Variants in NEK9 observed in about 807,000 individuals in gnomAD.
NEK9 encodes the protein NIMA related kinase 9, also known as serine/threonine-protein kinase Nek9.
NEK9 carries 75 observed loss-of-function variants against 123.4 expected under a neutral mutation model. The ratio of observed to expected loss-of-function variants is 0.61; its 90% CI spans 0.50 to 0.74. The LOEUF is 0.74. NEK9 is among the 30% of genes least tolerant of loss of function. The probability of loss-of-function intolerance (pLI) is 0.00; values close to 1 mark genes in which losing one functional copy is unlikely to be tolerated. For synonymous variants in NEK9, 438 were observed against 458.7 expected, an observed-to-expected ratio of 0.95 and a Z score of 0.58; for missense variants, 952 against 1,214.4, an observed-to-expected ratio of 0.78 and a Z score of 3.21.
At chr14:75,102,960 G>A (rs1178282933) in intron 14 of NEK9, among the ~76,000 whole-genome samples, 7 of 151,330 alleles carry the variant, frequency 4.6e-5, no homozygotes, top group African/African-American at 1.7e-4. Context: ...ATCAAACACC[G>A]CATGTTCTCA....
At position 75,101,660 on chromosome 14, in the gene NEK9, C is replaced by CA. The variant is rs755083184; in HGVS notation, c.1836dup (p.Asp613Ter). ...ATACAGTTGTAAATCAACTTACCAT[C>CA]AATAGCAGCTGTGTGAGTCTTGCCT... On this transcript the variant is annotated frameshift_variant, in exon 15 of 22. Coordinates refer to ENST00000238616, the MANE Select transcript of NEK9 (RefSeq NM_033116.6). LOFTEE classifies it high-confidence loss of function. 6.2e-7 allele frequency: 1 copy of CA among 1,605,464 alleles called. No individual in the cohort carries two copies. Among genetic ancestry groups the CA allele is most frequent in the Non-Finnish European group, 8.5e-7 (1 of 1,172,312 alleles).
chr14:75,100,544 C>T (rs991132859), intron 16 of NEK9, among the ~76,000 whole-genome samples: 10 of 152,264 alleles, frequency 6.6e-5, no homozygotes, highest in East Asian at 3.9e-4. Flanking sequence ...CATAATATAG[C>T]GGAAAGCAGC....
rs1345686231 is a variant in NEK9 at position 75,127,005 on chromosome 14, GC to G, written c.-85del. 1.1e-4 allele frequency: 124 copies of G among 1,180,240 alleles called. No homozygotes were observed. The highest frequency in any genetic ancestry group is 7.6e-5 in the Admixed American group (2 of 26,256). The allele number at this position is 1,180,240 out of a possible 1,614,324, so 73.1% of individuals were successfully genotyped here. ...TGCGTCCCGCTCGCTTCAGATGCCG[GC>G]CCGCGGATCCGTCAGCCCAGCAACC... On this transcript the variant is annotated 5_prime_UTR_variant, in exon 1 of 22. Coordinates refer to ENST00000238616, the MANE Select transcript of NEK9 (RefSeq NM_033116.6).
Position 75,084,677 on chromosome 14 carries a change from G to A in NEK9, c.2827C>T (p.His943Tyr), listed in dbSNP as rs778866887. The change falls in exon 22 of 22, where the codon CAT becomes TAT. Residue 943 changes from histidine to tyrosine, a missense_variant. Physicochemically the swap from His to Tyr is moderately conservative, Grantham distance 83 (BLOSUM62 2). Coordinates refer to ENST00000238616, the MANE Select transcript of NEK9 (RefSeq NM_033116.6). ...KLEGGQQVGM[H>Y]SKGTQTAKEE... Reference sequence around the variant, plus strand: ...TTTGCTGTCTGAGTTCCTTTGGAATGCATCCCCACCTGTCCGGATAAAACA... The same window carrying A: ...TTTGCTGTCTGAGTTCCTTTGGAATACATCCCCACCTGTCCGGATAAAACA... 8.7e-6 allele frequency: 14 copies of A among 1,614,018 alleles called. No homozygotes were observed. The highest frequency in any genetic ancestry group is 1.2e-5 in the Non-Finnish European group (14 of 1,179,946).
At chr14:75,115,580 G>A (rs542290390) in intron 6 of NEK9, among the ~76,000 whole-genome samples, 10 of 152,276 alleles carry the variant, frequency 6.6e-5, no homozygotes, top group South Asian at 6.2e-4. Context: ...GAGAATCTCC[G>A]TGTGGGGAAT....
Position 75,107,415 on chromosome 14 carries a change from G to T in NEK9, c.1255C>A (p.His419Asn). ...GDKASYRQPK[H>N]VEKLQGKAIR... ...GCTTTGCCTTGCAACTTTTCCACAT[G>T]CTTTGGCTGTCGATAGGAGGCTTTG... The change falls in exon 11 of 22, where the codon CAT becomes AAT. Residue 419 changes from histidine (H) to asparagine (N), a missense_variant. By Grantham distance (68) the His-to-Asn change is moderately conservative (BLOSUM62 1). This residue lies in a region of NEK9 where 698 missense variants were observed against 875.6 expected (regional missense o/e 0.80). Transcript: ENST00000238616. The T allele has an allele frequency of 6.2e-7, 1 of 1,613,890 alleles. No individual in the cohort carries two copies.
chr14:75,107,125 C>T (rs567094087), intron 11 of NEK9, among the ~76,000 whole-genome samples: 9 of 152,100 alleles, frequency 5.9e-5, no homozygotes, highest in Non-Finnish European at 1.2e-4. Flanking sequence ...TTCTCCTGAT[C>T]CCACCTCTTC....
At chr14:75,106,048 T>G (rs1336336674) in intron 12 of NEK9, 52 bp from the exon 13 acceptor site, 1 of 1,491,606 alleles carries the variant, frequency 6.7e-7, no homozygotes, top group Non-Finnish European at 9.4e-7. Context: ...TCCTTCCCAG[T>G]GAATAGGTTC....
In NEK9 at chr14:75,087,146, C is replaced by T. The variant is rs955590774; in HGVS notation, c.2689G>A (p.Val897Met). The T allele has an allele frequency of 5.6e-6, 9 of 1,614,214 alleles. No individual in the cohort carries two copies. Among genetic ancestry groups the T allele is most frequent in the South Asian group, 1.1e-5 (1 of 91,084 alleles). ...AGACCCTGCAATCTCTCAACCTCCA[C>T]CTGCAGAGAGCTGCACGCACACGCA... The part of the protein sequence containing the change: ...PPACACSSLQ[V>M]EVERLQGLVL... Residue 897 changes from valine to methionine, a missense_variant, in exon 21 of 22, where the codon GTG becomes ATG. By Grantham distance (21) the Val-to-Met change is conservative. Around this residue, in one of 4 missense-constraint regions of NEK9, gnomAD observed 698 missense variants for 875.6 expected, o/e 0.80. Coordinates refer to ENST00000238616, the MANE Select transcript of NEK9 (RefSeq NM_033116.6).
At chr14:75,125,703 A>G (rs1046504727) in intron 1 of NEK9, among the ~76,000 whole-genome samples, 103 of 152,338 alleles carry the variant, frequency 6.8e-4, no homozygotes, top group African/African-American at 2.4e-3. Context: ...TCAGGATAAA[A>G]AAGAACACTT....
At position 75,087,231 on chromosome 14, in the gene NEK9, C is replaced by T; in HGVS notation, c.2605-1G>A. 1.2e-6 allele frequency: 2 copies of T among 1,602,902 alleles called. No individual in the cohort carries two copies. Among genetic ancestry groups the T allele is most frequent in the Non-Finnish European group, 1.7e-6 (2 of 1,170,864 alleles). ...TTACTGCAGGATTCAGCCGAGGTGA[C>T]TAGAGAGACAAGAAGGAGATTGCAG... is the stretch of plus-strand genomic sequence containing the variant. On this transcript the variant is annotated splice_acceptor_variant, in intron 20 of 21. Coordinates refer to ENST00000238616, the MANE Select transcript of NEK9 (RefSeq NM_033116.6). LOFTEE classifies it high-confidence loss of function.
At chr14:75,106,806 A>C in intron 11 of NEK9, 104 bp from the exon 12 acceptor site, 156 of 788,514 alleles carry the variant, frequency 2.0e-4, no homozygotes, top group Non-Finnish European at 2.7e-4. Flanking sequence ...AAATGATCTC[A>C]CATGAATTGA....
At position 75,114,270 on chromosome 14, in the gene NEK9, G is replaced by C. The variant is rs1274020800; in HGVS notation, c.806C>G (p.Ala269Gly). 1 of 1,614,038 alleles carries C rather than the reference G, an allele frequency of 6.2e-7. No individual in the cohort carries two copies. The highest frequency in any genetic ancestry group is 2.2e-5 in the East Asian group (1 of 44,866). Reference sequence around the variant, plus strand: ...GTACTGGCTAGAGTCAACTTCCATGGCCCGAATTCCTTGCACGATCTTCAC... The same window carrying C: ...GTACTGGCTAGAGTCAACTTCCATGCCCCGAATTCCTTGCACGATCTTCAC... ...LCVKIVQGIR[A>G]MEVDSSQYSL... is the part of the protein sequence containing the mutation. Residue 269 changes from alanine (A) to glycine (G), a missense_variant, in exon 7 of 22, where the codon GCC (alanine) becomes GGC (glycine). By Grantham distance (60) the Ala-to-Gly change is moderately conservative (BLOSUM62 0). Around this residue, in one of 4 missense-constraint regions of NEK9, gnomAD observed 698 missense variants for 875.6 expected, o/e 0.80. Coordinates refer to ENST00000238616, the MANE Select transcript of NEK9 (RefSeq NM_033116.6).
intron 2 of NEK9, among the ~76,000 whole-genome samples, chr14:75,123,029 A>G (rs1291270353): frequency 1.3e-5 from 2 of 151,942 alleles, no homozygotes; most frequent in Non-Finnish European, 2.9e-5. Flanking sequence ...TCCTATGCTC[A>G]AGTGATCTGC....
chr14:75,101,585 A>G, intron 15 of NEK9, 72 bp downstream of exon 15: 1 of 1,004,542 alleles, frequency 1.0e-6, no homozygotes, highest in East Asian at 2.4e-5. Context: ...ACATATAAAG[A>G]AAACCTAATA....
At chr14:75,107,733 AG>A (rs1342878398) in intron 10 of NEK9, among the ~76,000 whole-genome samples, 3 of 152,154 alleles carry the variant, frequency 2.0e-5, no homozygotes, top group African/African-American at 7.2e-5. Flanking sequence ...CTTCATATGA[AG>A]AAAAACAGTA....
chr14:75,109,612 AT>A, intron 10 of NEK9, 72 bp downstream of exon 10: 1 of 1,371,980 alleles, frequency 7.3e-7, no homozygotes, highest in Non-Finnish European at 1.0e-6. Context: ...AACTAATAAA[AT>A]GCTTAGACAT....
intron 2 of NEK9, among the ~76,000 whole-genome samples, chr14:75,121,562 G>T (rs1895334293): frequency 1.3e-5 from 2 of 152,160 alleles, no homozygotes; most frequent in African/African-American, 4.8e-5. Flanking sequence ...ATAACATCTG[G>T]ATTAGGCTGG....
chr14:75,086,606 A>G (rs1894030912), intron 21 of NEK9: 1 of 166,382 alleles, frequency 6.0e-6, no homozygotes, highest in Non-Finnish European at 1.3e-5. Flanking sequence ...CAAAAATGGT[A>G]TCATTAAAAA....
Sources: allele counts gnomAD v4.1 joint callset (sites outside exome capture counted in the v4.1 genomes callset), GRCh38; gene constraint gnomAD v4.1.1; regional missense constraint gnomAD v4.1.1; transcripts MANE v1.5; gene names NCBI Gene and HGNC (gene_info 2026-07-23, HGNC 2026-07-21).